The following RAPGEF6 variants were observed in gnomAD, a reference collection of about 807,000 sequenced individuals.
RAPGEF6 encodes the protein Rap guanine nucleotide exchange factor 6.
RAPGEF6 carries 56 observed loss-of-function variants against 171.4 expected under a neutral mutation model. The observed-to-expected ratio is 0.33, with a 90% confidence interval of 0.26 to 0.41. RAPGEF6 has a LOEUF of 0.41. RAPGEF6 is among the 10% of genes least tolerant of loss of function. The probability of loss-of-function intolerance (pLI) is 1.00; values close to 1 mark genes in which losing one functional copy is unlikely to be tolerated. For synonymous variants in RAPGEF6, 692 were observed against 650.1 expected, an observed-to-expected ratio of 1.06 and a Z score of -0.98; for missense variants, 1,674 against 1,921.4, an observed-to-expected ratio of 0.87 and a Z score of 2.41.
In RAPGEF6 at chr5:131,509,340, G is replaced by A. The variant is rs376169149; in HGVS notation, c.805+974C>T. Among the ~76,000 whole-genome samples the A allele has an allele frequency of 5.7e-4, 87 of 152,154 alleles. No homozygotes were observed. The East Asian group carries it at 9.9e-3, about 17-fold the overall frequency. ...GGGCGGATCACAAGGTCAGGAGATC[G>A]AGACCATCCTGGCTAACACGTTGAA... is the stretch of plus-strand genomic sequence containing the variant. On this transcript the variant is annotated intron_variant, in intron 8 of 27. Coordinates refer to ENST00000509018, the MANE Select transcript of RAPGEF6 (RefSeq NM_016340.6).
chr5:131,492,020 C>T (rs1248534037), intron 14 of RAPGEF6, among the ~76,000 whole-genome samples: 1 of 152,206 alleles, frequency 6.6e-6, no homozygotes, highest in Admixed American at 6.5e-5. Context: ...ATAGGCTGCT[C>T]TATACTTACC....
intron 3 of RAPGEF6, among the ~76,000 whole-genome samples, chr5:131,601,783 T>A (rs747589030): frequency 6.6e-6 from 1 of 152,078 alleles, no homozygotes. Flanking sequence ...CCTGTAATCA[T>A]AGCACCTTGG....
At chr5:131,466,851 A>C (rs1356193729) in intron 17 of RAPGEF6, among the ~76,000 whole-genome samples, 1 of 152,216 alleles carries the variant, frequency 6.6e-6, no homozygotes, top group Non-Finnish European at 1.5e-5. Context: ...GGAAATTTCA[A>C]TTTGCCAAGA....
chr5:131,631,440 G>A (rs1331817162), intron 1 of RAPGEF6, among the ~76,000 whole-genome samples: 1 of 152,064 alleles, frequency 6.6e-6, no homozygotes, highest in African/African-American at 2.4e-5. Context: ...TTTTCCTCAA[G>A]GTCCACATCT....
intron 1 of RAPGEF6, among the ~76,000 whole-genome samples, chr5:131,613,227 G>A (rs760436044): frequency 5.3e-5 from 8 of 152,092 alleles, no homozygotes; most frequent in Non-Finnish European, 1.2e-4. Context: ...TGTCTAACAC[G>A]GTGAAACCCC....
intron 27 of RAPGEF6, among the ~76,000 whole-genome samples, chr5:131,428,112 A>C (rs1270175247): frequency 6.6e-6 from 1 of 151,924 alleles, no homozygotes; most frequent in African/African-American, 2.4e-5. Flanking sequence ...CAACAAACAA[A>C]CAACCCACAC....
intron 5 of RAPGEF6, among the ~76,000 whole-genome samples, chr5:131,553,841 T>C (rs781502240): frequency 1.3e-5 from 2 of 148,612 alleles, no homozygotes; most frequent in African/African-American, 5.0e-5. Flanking sequence ...GGAAGATAAA[T>C]CCAGAAGACT....
chr5:131,467,690 T>C (rs1488397840), intron 17 of RAPGEF6, among the ~76,000 whole-genome samples: 1 of 152,172 alleles, frequency 6.6e-6, no homozygotes, highest in East Asian at 1.9e-4. Context: ...AAATCTAAAA[T>C]GCAGACAAAA....
At chr5:131,484,576 C>T (rs1043518908) in intron 15 of RAPGEF6, among the ~76,000 whole-genome samples, 2 of 152,076 alleles carry the variant, frequency 1.3e-5, no homozygotes, top group Non-Finnish European at 2.9e-5. Flanking sequence ...GAAAGTAAAA[C>T]CCTGCAGTGT....
intron 4 of RAPGEF6, among the ~76,000 whole-genome samples, chr5:131,564,755 T>C (rs892531045): frequency 6.6e-6 from 1 of 152,208 alleles, no homozygotes; most frequent in Non-Finnish European, 1.5e-5. Context: ...TTGCTATGTG[T>C]GTTTTGTATG....
At position 131,542,975 on chromosome 5, in the gene RAPGEF6, T is replaced by C. The variant is rs896022436; in HGVS notation, c.495+5072A>G. Among the ~76,000 whole-genome samples the C allele has an allele frequency of 4.6e-5, 7 of 152,212 alleles. No individual in the cohort carries two copies. The East Asian group carries it at 7.7e-4, about 17-fold the overall frequency. On this transcript the variant is annotated intron_variant, in intron 6 of 27. Transcript: ENST00000509018. ...TTATTTACTTGTACATTGTGATCAA[T>C]AGCTCAATACTATGGCTAGCTAGCT...
Position 131,599,725 on chromosome 5 carries a change from A to C in RAPGEF6, c.197+3546T>G, listed in dbSNP as rs549409861. Among the ~76,000 whole-genome samples, 10 of 152,220 alleles carry C rather than the reference A, an allele frequency of 6.6e-5. No individual in the cohort carries two copies. The East Asian group carries it at 1.7e-3, about 26-fold the overall frequency. Reference sequence around the variant, plus strand: ...ATTACTGTGAGCTTGACACTTCCCTAAACTTTTCAGAAGAGGCTGGTGGTG... The same window carrying C: ...ATTACTGTGAGCTTGACACTTCCCTCAACTTTTCAGAAGAGGCTGGTGGTG... On this transcript the variant is annotated intron_variant, in intron 3 of 27. Transcript: ENST00000509018.
chr5:131,519,021 G>A (rs183307897), intron 7 of RAPGEF6, among the ~76,000 whole-genome samples: 1 of 152,138 alleles, frequency 6.6e-6, no homozygotes, highest in East Asian at 1.9e-4. Flanking sequence ...GCATAGGATA[G>A]GGGTCAGGAG....
Position 131,431,009 on chromosome 5 carries a change from G to T in RAPGEF6, c.4315C>A (p.Leu1439Met). The T allele has an allele frequency of 6.2e-7, 1 of 1,614,206 alleles. No individual in the cohort carries two copies. Among genetic ancestry groups the T allele is most frequent in the African/African-American group, 1.3e-5 (1 of 75,044 alleles). The change falls in exon 26 of 28, where the codon CTG becomes ATG. Residue 1439 changes from leucine (L) to methionine (M), a missense_variant. Around this residue, in one of 3 missense-constraint regions of RAPGEF6, gnomAD observed 552 missense variants for 574.2 expected, o/e 0.96. Coordinates refer to ENST00000509018, the MANE Select transcript of RAPGEF6 (RefSeq NM_016340.6). Reference protein sequence around the residue: ...ERKSWTSSSSLSDTYEPNYGT... With the variant: ...ERKSWTSSSSMSDTYEPNYGT... Reference sequence around the variant, plus strand: ...TAGTTTGGTTCATACGTGTCAGACAGAGAACTGGAGGAGGTCCAACTCTTT... The same window carrying T: ...TAGTTTGGTTCATACGTGTCAGACATAGAACTGGAGGAGGTCCAACTCTTT...
chr5:131,631,588 C>T lies in RAPGEF6; in HGVS notation c.69+3374G>A, dbSNP rs146557870. 2.9e-4 allele frequency among the ~76,000 whole-genome samples: 44 copies of T among 152,224 alleles called. 1 individual carries two copies. The East Asian group carries it at 7.4e-3, about 25-fold the overall frequency. ...TAACCTGATTTTATGCAATAACAGCCGTTAACCTCCTGCTTTTGCCCTTAA... is the reference window on the plus strand; with the variant it reads ...TAACCTGATTTTATGCAATAACAGCTGTTAACCTCCTGCTTTTGCCCTTAA... On this transcript the variant is annotated intron_variant, in intron 1 of 27. Transcript: ENST00000509018.
intron 23 of RAPGEF6, 181 bp from the exon 24 acceptor site, chr5:131,439,896 G>A: frequency 9.3e-7 from 1 of 1,080,050 alleles, no homozygotes; most frequent in East Asian, 2.7e-5. Flanking sequence ...CTCACCTCTA[G>A]GTTATTCATT....
chr5:131,561,371 C>T (rs904280046), intron 5 of RAPGEF6, among the ~76,000 whole-genome samples: 2 of 151,956 alleles, frequency 1.3e-5, no homozygotes, highest in African/African-American at 2.4e-5. Flanking sequence ...GAAGAAATCA[C>T]CTGAGGCTGG....
intron 25 of RAPGEF6, 148 bp from the exon 26 acceptor site, chr5:131,431,497 T>C (rs1225966112): frequency 1.2e-6 from 1 of 827,418 alleles, no homozygotes; most frequent in South Asian, 2.0e-5. Flanking sequence ...AATATTATCA[T>C]CATTCATCAC....
intron 1 of RAPGEF6, among the ~76,000 whole-genome samples, chr5:131,614,901 G>C (rs896670099): frequency 6.6e-6 from 1 of 152,052 alleles, no homozygotes; most frequent in African/African-American, 2.4e-5. Flanking sequence ...TATTTCTTTC[G>C]ATTGGCCAAA....
Sources: allele counts gnomAD v4.1 joint callset (sites outside exome capture counted in the v4.1 genomes callset), GRCh38; gene constraint gnomAD v4.1.1; regional missense constraint gnomAD v4.1.1; transcripts MANE v1.5; gene names NCBI Gene and HGNC (gene_info 2026-07-23, HGNC 2026-07-21).